Variants in CELF4 observed in about 807,000 individuals in gnomAD.
The protein encoded by CELF4 is CUGBP Elav-like family member 4.
A neutral mutation model predicts 59.9 loss-of-function variants in CELF4; 18 were observed. The ratio of observed to expected loss-of-function variants is 0.30; its 90% CI spans 0.21 to 0.45. The LOEUF (loss-of-function observed/expected upper bound fraction) is 0.45. CELF4 is among the 20% of genes least tolerant of loss of function. The pLI is 1.00. For missense variants in CELF4, 456 were observed against 689.0 expected (o/e 0.66, Z 3.79); for synonymous variants, 261 against 267.1 (o/e 0.98, Z 0.22).
intron 3 of CELF4, among the ~76,000 whole-genome samples, chr18:37,296,013 G>C (rs1441082834): frequency 6.6e-6 from 1 of 152,180 alleles, no homozygotes; most frequent in Non-Finnish European, 1.5e-5. Flanking sequence ...CATGTGCAGA[G>C]ACCCTCAGCC....
At chr18:37,553,622 T>C (rs2099983901) in intron 1 of CELF4, among the ~76,000 whole-genome samples, 1 of 152,206 alleles carries the variant, frequency 6.6e-6, no homozygotes, top group Admixed American at 6.5e-5. Flanking sequence ...GAAATGACAA[T>C]ACTTTTTGGG....
intron 2 of CELF4, among the ~76,000 whole-genome samples, chr18:37,432,354 G>C (rs1002958951): frequency 6.6e-6 from 1 of 152,236 alleles, no homozygotes; most frequent in Non-Finnish European, 1.5e-5. Context: ...GGCCCAGAGG[G>C]GGAGCTTGGA....
intron 2 of CELF4, among the ~76,000 whole-genome samples, chr18:37,355,087 G>T (rs2154556762): frequency 6.6e-6 from 1 of 152,320 alleles, no homozygotes; most frequent in African/African-American, 2.4e-5. Flanking sequence ...TCCTGTGCCT[G>T]CAAATGCTTG....
chr18:37,329,298 C>A (rs914522560), intron 2 of CELF4, among the ~76,000 whole-genome samples: 1 of 152,228 alleles, frequency 6.6e-6, no homozygotes, highest in African/African-American at 2.4e-5. Context: ...CCTGGAGTCC[C>A]ACCTGCAACC....
chr18:37,527,517 A>C (rs1184817551), intron 1 of CELF4, among the ~76,000 whole-genome samples: 10 of 152,286 alleles, frequency 6.6e-5, no homozygotes, highest in Admixed American at 5.2e-4. Context: ...ATGTTTCCAC[A>C]AAGAACTCTA....
chr18:37,482,966 T>C (rs895587657), intron 2 of CELF4, among the ~76,000 whole-genome samples: 2 of 152,186 alleles, frequency 1.3e-5, no homozygotes, highest in Admixed American at 1.3e-4. Flanking sequence ...GGTTCTTTTT[T>C]TTCAATTTCA....
intron 1 of CELF4, among the ~76,000 whole-genome samples, chr18:37,536,530 C>T (rs973064032): frequency 2.0e-5 from 3 of 152,208 alleles, no homozygotes; most frequent in East Asian, 1.9e-4. Flanking sequence ...TGCTCGCTAG[C>T]GCCTTTTCTC....
At chr18:37,444,532 C>T (rs1347024181) in intron 2 of CELF4, among the ~76,000 whole-genome samples, 1 of 151,900 alleles carries the variant, frequency 6.6e-6, no homozygotes, top group Non-Finnish European at 1.5e-5. Context: ...CCCTGCTCTA[C>T]CCAAAAGCCA....
chr18:37,267,948 A>C (rs965176518), intron 8 of CELF4, among the ~76,000 whole-genome samples: 1 of 152,166 alleles, frequency 6.6e-6, no homozygotes, highest in Non-Finnish European at 1.5e-5. Flanking sequence ...GAGGCAGGAG[A>C]ATCACTTGAA....
intron 2 of CELF4, among the ~76,000 whole-genome samples, chr18:37,378,442 T>C (rs2098997373): frequency 6.6e-6 from 1 of 152,082 alleles, no homozygotes; most frequent in Non-Finnish European, 1.5e-5. Context: ...GAGTCTACAA[T>C]TCTATTAAAT....
At chr18:37,432,197 C>T (rs1217036843) in intron 2 of CELF4, among the ~76,000 whole-genome samples, 2 of 152,204 alleles carry the variant, frequency 1.3e-5, no homozygotes, top group Admixed American at 6.5e-5. Flanking sequence ...ATGGCCTCTG[C>T]CCCTCAGGTG....
At chr18:37,402,610 G>A (rs562903252) in intron 2 of CELF4, among the ~76,000 whole-genome samples, 2 of 152,296 alleles carry the variant, frequency 1.3e-5, no homozygotes, top group African/African-American at 4.8e-5. Context: ...TTCCAGCAAA[G>A]AGCCAGAGTC....
intron 1 of CELF4, among the ~76,000 whole-genome samples, chr18:37,558,950 A>G (rs938548727): frequency 3.3e-5 from 5 of 151,950 alleles, no homozygotes; most frequent in Non-Finnish European, 5.9e-5. Flanking sequence ...TTCCAGATGG[A>G]AGGTCATTGC....
chr18:37,550,818 C>T (rs890290555), intron 1 of CELF4, among the ~76,000 whole-genome samples: 27 of 152,314 alleles, frequency 1.8e-4, no homozygotes, highest in African/African-American at 6.3e-4. Context: ...AAATTCCCCC[C>T]GATTAGAGAC....
intron 7 of CELF4, among the ~76,000 whole-genome samples, chr18:37,271,414 C>A (rs541645986): frequency 2.6e-5 from 4 of 152,196 alleles, no homozygotes; most frequent in Non-Finnish European, 5.9e-5. Flanking sequence ...ACCACCAGGC[C>A]CAGCTAATTT....
chr18:37,442,413 T>A lies in CELF4; in HGVS notation c.369+43112A>T, dbSNP rs181697667. Among the ~76,000 whole-genome samples the A allele has an allele frequency of 1.1e-3, 162 of 152,062 alleles. 1 individual carries two copies. Among genetic ancestry groups the A allele is most frequent in the African/African-American group, 3.6e-3 (150 of 41,464 alleles). On this transcript the variant is annotated intron_variant, in intron 2 of 12. Coordinates refer to ENST00000420428, the MANE Select transcript of CELF4 (RefSeq NM_020180.4). ...TAAAAACTAGATCTCAGAAAAAAAA[T>A]TTTTTTCCCTTTGAAGCAGAAATGG...
At chr18:37,449,666 A>G (rs1272031676) in intron 2 of CELF4, among the ~76,000 whole-genome samples, 1 of 152,132 alleles carries the variant, frequency 6.6e-6, no homozygotes, top group African/African-American at 2.4e-5. Flanking sequence ...GGGAAGGAAG[A>G]GCTACTTTAG....
At chr18:37,417,719 C>A (rs760310359) in intron 2 of CELF4, among the ~76,000 whole-genome samples, 2 of 152,188 alleles carry the variant, frequency 1.3e-5, no homozygotes, top group Non-Finnish European at 2.9e-5. Context: ...CCATCCTCAC[C>A]AGGACTGTGA....
intron 3 of CELF4, among the ~76,000 whole-genome samples, chr18:37,277,824 G>T (rs1420210930): frequency 6.6e-6 from 1 of 152,010 alleles, no homozygotes; most frequent in African/African-American, 2.4e-5. Context: ...TTTCCAGAAA[G>T]ACTTAGAAAT....
Sources: allele counts gnomAD v4.1 joint callset (sites outside exome capture counted in the v4.1 genomes callset), GRCh38; gene constraint gnomAD v4.1.1; transcripts MANE v1.5; gene names NCBI Gene and HGNC (gene_info 2026-07-23, HGNC 2026-07-21).